CDH12: variants seen among roughly 807,000 people sequenced by gnomAD.
CDH12 encodes cadherin-12.
In CDH12, 41 loss-of-function variants were observed where a neutral mutation model predicts 74.1. That is an observed-to-expected ratio of 0.55 (90% CI 0.43 to 0.72). The LOEUF is 0.72. Ranked by LOEUF, CDH12 falls within the 30% of genes least tolerant of loss-of-function variation. CDH12 has a pLI of 0.00. For missense variants in CDH12, 945 were observed against 977.2 expected (o/e 0.97, Z 0.44); for synonymous variants, 399 against 355.0 (o/e 1.12, Z -1.39).
At chr5:21,756,644 GAAT>G (rs1380569454) in intron 13 of CDH12, among the ~76,000 whole-genome samples, 1 of 152,108 alleles carries the variant, frequency 6.6e-6, no homozygotes, top group Non-Finnish European at 1.5e-5. Context: ...TTTGTTTTAT[GAAT>G]AACAATATTT....
chr5:22,060,513 A>T, intron 5 of CDH12, among the ~76,000 whole-genome samples: 1 of 152,124 alleles, frequency 6.6e-6, no homozygotes, highest in Non-Finnish European at 1.5e-5. Flanking sequence ...AAAAACAATG[A>T]GAGAAAGGCA....
intron 1 of CDH12, among the ~76,000 whole-genome samples, chr5:22,574,847 T>C: frequency 6.6e-6 from 1 of 152,146 alleles, no homozygotes. Context: ...GAGTGTACTT[T>C]GTGATGTTTA....
At chr5:22,609,667 A>G (rs1361787362) in intron 1 of CDH12, among the ~76,000 whole-genome samples, 1 of 152,186 alleles carries the variant, frequency 6.6e-6, no homozygotes, top group African/African-American at 2.4e-5. Flanking sequence ...TGCTTTGATA[A>G]GCTGTTTTTT....
chr5:22,315,119 C>CTTGTTTTTTTTTTTTTTT (rs1738570307), intron 3 of CDH12, among the ~76,000 whole-genome samples: 1 of 22,994 alleles, frequency 4.3e-5, no homozygotes, highest in African/African-American at 2.2e-4. Flanking sequence ...GCCTGCCTGG[C>CTTGTTTTTTTTTTTTTTT]TTTTTTTTTT....
At chr5:22,019,161 A>T (rs560353751) in intron 5 of CDH12, among the ~76,000 whole-genome samples, 2 of 152,028 alleles carry the variant, frequency 1.3e-5, no homozygotes, top group East Asian at 3.9e-4. Context: ...TTCTCTCTCC[A>T]TCTATCTATG....
intron 8 of CDH12, among the ~76,000 whole-genome samples, chr5:21,822,420 G>T (rs1254486326): frequency 6.6e-6 from 1 of 151,858 alleles, no homozygotes; most frequent in Admixed American, 6.6e-5. Flanking sequence ...AAAATTGGAG[G>T]ATTCAGGAAG....
At chr5:22,088,113 T>C (rs905015747) in intron 4 of CDH12, among the ~76,000 whole-genome samples, 4 of 152,200 alleles carry the variant, frequency 2.6e-5, no homozygotes, top group Admixed American at 2.6e-4. Context: ...GCAATGCTTC[T>C]GGAATGGCAG....
In CDH12 at chr5:22,150,478, G is replaced by A. The variant is rs568027996; in HGVS notation, c.-187+62020C>T. On this transcript the variant is annotated intron_variant, in intron 4 of 14. Transcript: ENST00000382254. The stretch of plus-strand genomic sequence containing the variant: ...AATTATATATATATGTATATATAGA[G>A]AGAGAACACTTATGTATATGTAGAA... Among the ~76,000 whole-genome samples, 15 of 151,474 alleles carry A rather than the reference G, an allele frequency of 9.9e-5. No individual in the cohort carries two copies. The South Asian group carries it at 3.1e-3, about 32-fold the overall frequency.
intron 5 of CDH12, among the ~76,000 whole-genome samples, chr5:21,994,316 G>GGAGA (rs34398011): frequency 0.27 from 41,275 of 151,504 alleles, 8,538 homozygotes; most frequent in African/African-American, 0.58. Context: ...ATTAAGAAAA[G>GGAGA]AAGAAAGGAG....
intron 2 of CDH12, among the ~76,000 whole-genome samples, chr5:22,459,608 G>C (rs1367270281): frequency 6.6e-6 from 1 of 152,100 alleles, no homozygotes; most frequent in Non-Finnish European, 1.5e-5. Context: ...AGTATATATA[G>C]AGAAAACCAT....
intron 1 of CDH12, among the ~76,000 whole-genome samples, chr5:22,820,740 C>G (rs1749654366): frequency 6.6e-6 from 1 of 152,166 alleles, no homozygotes; most frequent in Admixed American, 6.6e-5. Flanking sequence ...TGGCAATAAT[C>G]AATAACTTAC....
chr5:22,127,076 T>C (rs981540603), intron 4 of CDH12, among the ~76,000 whole-genome samples: 2 of 152,186 alleles, frequency 1.3e-5, no homozygotes, highest in African/African-American at 4.8e-5. Context: ...GGGTATTACA[T>C]ATTCATAGCA....
chr5:22,242,099 G>T (rs1021148662), intron 3 of CDH12, among the ~76,000 whole-genome samples: 12 of 151,990 alleles, frequency 7.9e-5, no homozygotes, highest in African/African-American at 2.9e-4. Flanking sequence ...CGTTTTATTT[G>T]TATTCACTTG....
intron 8 of CDH12, among the ~76,000 whole-genome samples, chr5:21,832,902 A>ATATATAT (rs1749136023): frequency 1.8e-5 from 1 of 56,644 alleles, no homozygotes; most frequent in African/African-American, 1.6e-4. Flanking sequence ...ATATCATATA[A>ATATATAT]TATATGATAT....
chr5:22,627,890 A>G (rs1231691939), intron 1 of CDH12, among the ~76,000 whole-genome samples: 1 of 152,184 alleles, frequency 6.6e-6, no homozygotes, highest in African/African-American at 2.4e-5. Context: ...AGGATGGAGG[A>G]AAATCTTCCA....
At chr5:22,005,668 C>T (rs1355912466) in intron 5 of CDH12, among the ~76,000 whole-genome samples, 1 of 151,938 alleles carries the variant, frequency 6.6e-6, no homozygotes, top group Non-Finnish European at 1.5e-5. Flanking sequence ...TTCTACTGGA[C>T]CTTAACTTCT....
chr5:22,025,414 C>T (rs1025912459), intron 5 of CDH12, among the ~76,000 whole-genome samples: 1 of 152,060 alleles, frequency 6.6e-6, no homozygotes, highest in Admixed American at 6.6e-5. Context: ...AGTACAATAG[C>T]ATTATATCTA....
intron 1 of CDH12, among the ~76,000 whole-genome samples, chr5:22,630,960 CA>C (rs1738552912): frequency 6.6e-6 from 1 of 151,966 alleles, no homozygotes; most frequent in Non-Finnish European, 1.5e-5. Flanking sequence ...CAAACAATCC[CA>C]TGAAATTGTG....
chr5:22,553,925 A>T (rs908939438), intron 1 of CDH12, among the ~76,000 whole-genome samples: 2 of 152,214 alleles, frequency 1.3e-5, no homozygotes, highest in African/African-American at 4.8e-5. Flanking sequence ...GTGGAGTATA[A>T]ACATAAAAGA....
Sources: allele counts gnomAD v4.1 joint callset (sites outside exome capture counted in the v4.1 genomes callset), GRCh38; gene constraint gnomAD v4.1.1; transcripts MANE v1.5; gene names NCBI Gene and HGNC (gene_info 2026-07-23, HGNC 2026-07-21).